DNAAF11: variants seen among roughly 807,000 people sequenced by gnomAD.
DNAAF11 encodes leucine rich repeat containing 6.
DNAAF11 carries 45 observed loss-of-function variants against 60.8 expected under a neutral mutation model. The ratio of observed to expected loss-of-function variants is 0.74; its 90% CI spans 0.58 to 0.95. DNAAF11 has a LOEUF of 0.95. Among genes scored for constraint, DNAAF11 ranks in the 40% least tolerant of loss-of-function variants. The pLI, the probability that DNAAF11 is intolerant of heterozygous loss-of-function variation, is 0.00. For missense variants in DNAAF11, 546 were observed against 546.2 expected, an observed-to-expected ratio of 1.00 and a Z score of 0.00; for synonymous variants, 191 against 183.5, an observed-to-expected ratio of 1.04 and a Z score of -0.33.
intron 10 of DNAAF11, among the ~76,000 whole-genome samples, chr8:132,590,811 C>A (rs1463361883): frequency 6.6e-6 from 1 of 152,154 alleles, no homozygotes; most frequent in African/African-American, 2.4e-5. Context: ...TTACAAGATG[C>A]CTATAGTGTC....
chr8:132,604,029 T>C (rs1817903473), intron 10 of DNAAF11, among the ~76,000 whole-genome samples: 1 of 152,164 alleles, frequency 6.6e-6, no homozygotes, highest in Non-Finnish European at 1.5e-5. Flanking sequence ...TGGTTAAAGT[T>C]TGTGGAAATT....
intron 10 of DNAAF11, among the ~76,000 whole-genome samples, chr8:132,609,255 T>C (rs1818413750): frequency 6.6e-6 from 1 of 152,018 alleles, no homozygotes; most frequent in Admixed American, 6.6e-5. Flanking sequence ...CACAAACATC[T>C]GTACACTTTA....
chr8:132,661,391 A>C, intron 2 of DNAAF11, 69 bp downstream of exon 2: 1 of 1,283,378 alleles, frequency 7.8e-7, no homozygotes. Flanking sequence ...TAAAAATAAC[A>C]CAGCACTTTC....
At chr8:132,581,417 AG>A (rs752524114) in intron 11 of DNAAF11, among the ~76,000 whole-genome samples, 3 of 152,128 alleles carry the variant, frequency 2.0e-5, no homozygotes, top group Non-Finnish European at 4.4e-5. Context: ...TGGGAGGCCA[AG>A]GCAGGCGGAT....
intron 3 of DNAAF11, among the ~76,000 whole-genome samples, chr8:132,645,043 G>T (rs531612832): frequency 1.9e-4 from 29 of 152,300 alleles, no homozygotes; most frequent in African/African-American, 7.0e-4. Flanking sequence ...CCTCAAGTGG[G>T]TCCCTGACCC....
intron 11 of DNAAF11, among the ~76,000 whole-genome samples, chr8:132,574,412 G>A (rs1429523804): frequency 2.0e-5 from 3 of 152,208 alleles, no homozygotes; most frequent in Admixed American, 2.0e-4. Flanking sequence ...GGACTGCATA[G>A]CATTGGCACC....
At chr8:132,613,435 C>T (rs565789196) in intron 8 of DNAAF11, among the ~76,000 whole-genome samples, 1 of 152,292 alleles carries the variant, frequency 6.6e-6, no homozygotes, top group South Asian at 2.1e-4. Context: ...GACACAAAGG[C>T]CACATGTTGT....
At chr8:132,680,686 C>T in the DNAAF11 span, among the ~76,000 whole-genome samples, 1 of 151,990 alleles carries the variant, frequency 6.6e-6, no homozygotes, top group Admixed American at 6.6e-5. Flanking sequence ...TCCCTTATCC[C>T]TTTTTCCTTA....
intron 3 of DNAAF11, among the ~76,000 whole-genome samples, chr8:132,644,490 A>G (rs1326205022): frequency 6.6e-6 from 1 of 152,108 alleles, no homozygotes; most frequent in East Asian, 1.9e-4. Flanking sequence ...GGCTTGTTGG[A>G]CAATGGGTGC....
In DNAAF11 at chr8:132,577,179, T is replaced by G. The variant is rs150435109; in HGVS notation, c.1227-4699A>C. Reference sequence around the variant, plus strand: ...GGAGGCTACCACTTTGCCTACCAAGTCTTCCTTCTTATGGGGGGTGCCAGT... The same window carrying G: ...GGAGGCTACCACTTTGCCTACCAAGGCTTCCTTCTTATGGGGGGTGCCAGT... On this transcript the variant is annotated intron_variant, in intron 11 of 11. Transcript: ENST00000620350. Among the ~76,000 whole-genome samples, 109 of 152,200 alleles carry G rather than the reference T, an allele frequency of 7.2e-4. 2 individuals carry two copies. The East Asian group carries it at 0.014, about 20-fold the overall frequency.
chr8:132,695,662 T>C, the DNAAF11 span, among the ~76,000 whole-genome samples: 2 of 152,078 alleles, frequency 1.3e-5, no homozygotes, highest in Non-Finnish European at 2.9e-5. Flanking sequence ...AGTGAATTAA[T>C]AGGACTTAGT....
At position 132,663,953 on chromosome 8, in the gene DNAAF11, C is replaced by G. The variant is rs112430213; in HGVS notation, c.11-2326G>C. 3.6e-3 allele frequency among the ~76,000 whole-genome samples: 554 copies of G among 152,262 alleles called. 3 individuals are homozygous for G. Among genetic ancestry groups the G allele is most frequent in the African/African-American group, 0.013 (521 of 41,534 alleles). ...TGGGTGTTAGGGGCCAGGACAGAGT[C>G]AGAGATGGGAAGAAAAGGGAAGAGT... On this transcript the variant is annotated intron_variant, in intron 1 of 11. Transcript: ENST00000620350.
Position 132,656,817 on chromosome 8 carries a change from G to A in DNAAF11, c.256+13C>T. The A allele has an allele frequency of 8.9e-7, 1 of 1,125,696 alleles. No homozygotes were observed. The allele number at this position is 1,125,696 out of a possible 1,614,324, so 69.7% of individuals were successfully genotyped here. On this transcript the variant is annotated intron_variant, in intron 3 of 11. Transcript: ENST00000620350. ...TTTAATTCATAATAGCATAATAGAA[G>A]AAACAGTCTTACCTTCCAAGTTTTC... is the stretch of plus-strand genomic sequence containing the variant.
intron 1 of DNAAF11, among the ~76,000 whole-genome samples, chr8:132,674,887 TCAAA>T (rs577177171): frequency 1.2e-4 from 19 of 152,166 alleles, no homozygotes; most frequent in East Asian, 3.9e-4. Context: ...AACTCTTGTC[TCAAA>T]CAAACAAACA....
chr8:132,675,213 C>A, intron 1 of DNAAF11: 1 of 421,746 alleles, frequency 2.4e-6, no homozygotes. Flanking sequence ...TCCTGGAGTC[C>A]AGTGCCTTTC....
At chr8:132,674,169 GAGGAGGAGGAGAAGGAGGAGGAGGAGA>G (rs1563726332) in intron 1 of DNAAF11, among the ~76,000 whole-genome samples, 2 of 139,458 alleles carry the variant, frequency 1.4e-5, no homozygotes, top group Non-Finnish European at 1.6e-5. Flanking sequence ...GAAGGAGAAG[GAGGAGGAGGAGAAGGAGGAGGAGGAGA>G]AGGAGGAGGA....
At chr8:132,575,908 T>G (rs1173953708) in intron 11 of DNAAF11, among the ~76,000 whole-genome samples, 1 of 152,106 alleles carries the variant, frequency 6.6e-6, no homozygotes, top group African/African-American at 2.4e-5. Context: ...AGGTAATCTG[T>G]TGGGGAGGCC....
At chr8:132,614,598 G>T (rs1796999094) in intron 8 of DNAAF11, among the ~76,000 whole-genome samples, 1 of 152,146 alleles carries the variant, frequency 6.6e-6, no homozygotes, top group African/African-American at 2.4e-5. Flanking sequence ...TGAGAGGGCA[G>T]CAGGGAAGAA....
At chr8:132,681,154 G>GC in the DNAAF11 span, among the ~76,000 whole-genome samples, 2 of 150,926 alleles carry the variant, frequency 1.3e-5, no homozygotes, top group African/African-American at 2.4e-5. Flanking sequence ...GGGATTAAAG[G>GC]CATGCACGAC....
Sources: allele counts gnomAD v4.1 joint callset (sites outside exome capture counted in the v4.1 genomes callset), GRCh38; gene constraint gnomAD v4.1.1; transcripts MANE v1.5; gene names NCBI Gene and HGNC (gene_info 2026-07-23, HGNC 2026-07-21).